The following ZNF2 variants were observed in gnomAD, a reference collection of about 807,000 sequenced individuals.
ZNF2 encodes zinc finger protein 2.2.
ZNF2 carries 12 observed loss-of-function variants against 21.9 expected under a neutral mutation model. The ratio of observed to expected loss-of-function variants is 0.55; its 90% CI spans 0.35 to 0.89. The LOEUF (loss-of-function observed/expected upper bound fraction) is 0.89. Ranked by LOEUF, ZNF2 falls within the 40% of genes least tolerant of loss-of-function variation. The pLI, the probability that ZNF2 is intolerant of heterozygous loss-of-function variation, is 0.01. For missense variants in ZNF2, 462 were observed against 544.2 expected, an observed-to-expected ratio of 0.85 and a Z score of 1.50; for synonymous variants, 186 against 196.3, an observed-to-expected ratio of 0.95 and a Z score of 0.44.
At position 95,176,191 on chromosome 2, in the gene ZNF2, T is replaced by C. The variant is rs753005126; in HGVS notation, c.-36T>C. 3.1e-6 allele frequency: 5 copies of C among 1,614,148 alleles called. No homozygotes were observed. Among genetic ancestry groups the C allele is most frequent in the Non-Finnish European group, 4.2e-6 (5 of 1,179,990 alleles). ...CCCCCCACTTCTGCCTCATTAGGACTCTGCCCTTGTCCACAAGGAGAGCAC... is the reference window on the plus strand; with the variant it reads ...CCCCCCACTTCTGCCTCATTAGGACCCTGCCCTTGTCCACAAGGAGAGCAC... On this transcript the variant is annotated 5_prime_UTR_variant, in exon 2 of 5. Transcript: ENST00000614034.
chr2:95,173,031 C>T (rs1674335395), intron 1 of ZNF2, among the ~76,000 whole-genome samples: 1 of 151,572 alleles, frequency 6.6e-6, no homozygotes, highest in African/African-American at 2.4e-5. Context: ...GTATCCTTCC[C>T]CAGTCTTATT....
At chr2:95,174,054 T>C (rs1278874974) in intron 1 of ZNF2, among the ~76,000 whole-genome samples, 3 of 152,242 alleles carry the variant, frequency 2.0e-5, no homozygotes, top group Non-Finnish European at 4.4e-5. Context: ...GACTGGGCCA[T>C]AAATTATTTA....
intron 3 of ZNF2, among the ~76,000 whole-genome samples, chr2:95,178,997 T>G (rs1180894345): frequency 1.3e-5 from 2 of 150,822 alleles, no homozygotes; most frequent in South Asian, 2.1e-4. Context: ...TTTTTTGTTT[T>G]TTTTTTTTTT....
chr2:95,182,422 C>CA lies in ZNF2; in HGVS notation c.*318dup. ...CTGCACTTTAAGAAACTGGAGGCTG[C>CA]AACAGGAGGGAAAGGCAGAATGATA... On this transcript the variant is annotated 3_prime_UTR_variant, in exon 5 of 5. Coordinates refer to ENST00000614034, the MANE Select transcript of ZNF2 (RefSeq NM_021088.4). The CA allele has an allele frequency of 3.9e-6, 1 of 254,614 alleles. No homozygotes were observed. The highest frequency in any genetic ancestry group is 1.1e-4 in the South Asian group (1 of 9,088). The allele number at this position is 254,614 out of a possible 1,614,324, so 15.8% of individuals were successfully genotyped here. A position where few individuals can be genotyped will look rare whatever the true frequency, so the allele number is the denominator to read the frequency against.
chr2:95,177,982 C>G (rs1275760765), intron 3 of ZNF2, among the ~76,000 whole-genome samples: 1 of 152,152 alleles, frequency 6.6e-6, no homozygotes, highest in Non-Finnish European at 1.5e-5. Flanking sequence ...CCCAGTTCTC[C>G]CAGTTCGCCA....
chr2:95,167,246 G>GT (rs1674095197), intron 1 of ZNF2, among the ~76,000 whole-genome samples: 1 of 152,236 alleles, frequency 6.6e-6, no homozygotes, highest in South Asian at 2.1e-4. Context: ...GCTCACGCCT[G>GT]TAAGTCCCAG....
chr2:95,179,698 C>T (rs969035826), intron 3 of ZNF2, among the ~76,000 whole-genome samples: 2 of 152,200 alleles, frequency 1.3e-5, no homozygotes, highest in Non-Finnish European at 1.5e-5. Context: ...TCCAGAGGTT[C>T]CTCTGCTTTG....
chr2:95,182,079 G>A lies in ZNF2; in HGVS notation c.1251G>A (p.Arg417=), dbSNP rs1257915686. The A allele has an allele frequency of 6.2e-7, 1 of 1,609,152 alleles. No individual in the cohort carries two copies. Among genetic ancestry groups the A allele is most frequent in the Non-Finnish European group, 8.5e-7 (1 of 1,176,340 alleles). The change falls in exon 5 of 5, where the codon CGG becomes CGA. Residue 417 remains arginine (R), a synonymous_variant. Transcript: ENST00000614034. ...AATCTTCTGTTATTCAACATCAACG[G>A]CGTTACGCCAAACAGGGAATAGACT... is the stretch of plus-strand genomic sequence containing the variant. The part of the protein sequence containing the change: ...SSKSSVIQHQ[R]RYAKQGID
intron 1 of ZNF2, among the ~76,000 whole-genome samples, chr2:95,168,875 A>C (rs1052727744): frequency 2.0e-5 from 3 of 152,144 alleles, no homozygotes; most frequent in African/African-American, 7.2e-5. Flanking sequence ...TAGAAGACAA[A>C]AGTTATGCGG....
At chr2:95,171,452 G>A (rs1157402267) in intron 1 of ZNF2, among the ~76,000 whole-genome samples, 1 of 149,618 alleles carries the variant, frequency 6.7e-6, no homozygotes, top group Non-Finnish European at 1.5e-5. Context: ...GTGTGATCTC[G>A]GCTCACTGCA....
chr2:95,171,951 T>C (rs1184922995), intron 1 of ZNF2, among the ~76,000 whole-genome samples: 1 of 152,182 alleles, frequency 6.6e-6, no homozygotes, highest in Non-Finnish European at 1.5e-5. Context: ...AGTATGATGA[T>C]GACCCTGCAA....
Position 95,182,431 on chromosome 2 carries a change from G to C in ZNF2, c.*325G>C. 1 of 243,060 alleles carries C rather than the reference G, an allele frequency of 4.1e-6. No homozygotes were observed. Among genetic ancestry groups the C allele is most frequent in the Non-Finnish European group, 8.0e-6 (1 of 125,420 alleles). 15.1% of individuals were successfully genotyped at this position (243,060 alleles called of 1,614,324 possible). Reference sequence around the variant, plus strand: ...AAGAAACTGGAGGCTGCAACAGGAGGGAAAGGCAGAATGATATCACAGCAG... The same window carrying C: ...AAGAAACTGGAGGCTGCAACAGGAGCGAAAGGCAGAATGATATCACAGCAG... On this transcript the variant is annotated 3_prime_UTR_variant, in exon 5 of 5. Coordinates refer to ENST00000614034, the MANE Select transcript of ZNF2 (RefSeq NM_021088.4).
chr2:95,177,368 C>G, intron 2 of ZNF2, 115 bp from the exon 3 acceptor site: 1 of 1,252,056 alleles, frequency 8.0e-7, no homozygotes, highest in Non-Finnish European at 1.1e-6. Context: ...TCAGTCAGAA[C>G]TGTTTTTCTT....
chr2:95,177,359 C>G, intron 2 of ZNF2, 124 bp from the exon 3 acceptor site: 5 of 1,140,928 alleles, frequency 4.4e-6, no homozygotes, highest in Non-Finnish European at 6.2e-6. Context: ...AAGTTCTACT[C>G]AGTCAGAACT....
At chr2:95,176,803 C>G (rs1674458232) in intron 2 of ZNF2, among the ~76,000 whole-genome samples, 1 of 152,044 alleles carries the variant, frequency 6.6e-6, no homozygotes, top group African/African-American at 2.4e-5. Flanking sequence ...GGAGACTCAT[C>G]TGAGGTTTTA....
rs566485886 is a variant in ZNF2 at position 95,183,663 on chromosome 2, C to T, written c.*1557C>T. ...TGAGACAGAGTCTCACTCTGTCACC[C>T]AGGTTGGAATGCAATGGCACAATCT... On this transcript the variant is annotated 3_prime_UTR_variant, in exon 5 of 5. Transcript: ENST00000614034. 9.7e-5 allele frequency: 14 copies of T among 144,724 alleles called. No individual in the cohort carries two copies. The highest frequency in any genetic ancestry group is 3.5e-4 in the Admixed American group (5 of 14,178). 9.0% of individuals were successfully genotyped at this position (144,724 alleles called of 1,614,324 possible).
intron 1 of ZNF2, among the ~76,000 whole-genome samples, chr2:95,167,023 A>G (rs1351442580): frequency 6.6e-6 from 1 of 152,228 alleles, no homozygotes; most frequent in Non-Finnish European, 1.5e-5. Flanking sequence ...AGGGATGGCA[A>G]AAACGAAGAA....
intron 1 of ZNF2, 34 bp from the exon 2 acceptor site, chr2:95,176,154 C>T: frequency 6.3e-7 from 1 of 1,590,088 alleles, no homozygotes; most frequent in Non-Finnish European, 8.6e-7. Flanking sequence ...CTTTCTCCTA[C>T]CTTCTTTCTC....
At chr2:95,168,650 G>A (rs1573392008) in intron 1 of ZNF2, among the ~76,000 whole-genome samples, 2 of 152,180 alleles carry the variant, frequency 1.3e-5, no homozygotes, top group Non-Finnish European at 2.9e-5. Flanking sequence ...GCAGTAGAAA[G>A]GAAGAGAACT....
Sources: gnomAD v4.1 joint callset for allele counts (sites outside exome capture counted in the v4.1 genomes callset) on GRCh38, gnomAD v4.1.1 for gene constraint, MANE v1.5 for transcripts, NCBI Gene and HGNC (gene_info 2026-07-23, HGNC 2026-07-21) for gene names.